Variants in IGFBP7 observed in about 807,000 individuals in gnomAD.
IGFBP7 encodes the protein insulin-like growth factor-binding protein 7.
In IGFBP7, 31 loss-of-function variants were observed where a neutral mutation model predicts 29.4. That is an observed-to-expected ratio of 1.05 (90% CI 0.79 to 1.42). The LOEUF (loss-of-function observed/expected upper bound fraction) is 1.42, where lower values mean the gene tolerates loss of function less well. Ranked by LOEUF, IGFBP7 falls within the 40% of genes most tolerant of loss-of-function variation. The pLI is 0.00. For synonymous variants in IGFBP7, 172 were observed against 174.9 expected, an observed-to-expected ratio of 0.98 and a Z score of 0.13; for missense variants, 393 against 395.5, an observed-to-expected ratio of 0.99 and a Z score of 0.05.
chr4:57,066,079 G>A (rs1166513377), intron 1 of IGFBP7, among the ~76,000 whole-genome samples: 1 of 152,160 alleles, frequency 6.6e-6, no homozygotes, highest in Non-Finnish European at 1.5e-5. Context: ...GGTGGCATGG[G>A]TCTTCCATCC....
At position 57,030,854 on chromosome 4, in the gene IGFBP7, A is replaced by T; in HGVS notation, c.*463T>A. 9.3e-7 allele frequency: 1 copy of T among 1,080,840 alleles called. No homozygotes were observed. The highest frequency in any genetic ancestry group is 1.4e-6 in the Non-Finnish European group (1 of 694,116). 67.0% of individuals were successfully genotyped at this position (1,080,840 alleles called of 1,614,324 possible). On this transcript the variant is annotated 3_prime_UTR_variant, in exon 5 of 5. Coordinates refer to ENST00000295666, the MANE Select transcript of IGFBP7 (RefSeq NM_001553.3). Reference sequence around the variant, plus strand: ...TTTTCTGGGGTAGAGAAGTGGGGTCACTTCAATACAATTCTGCTAATTACC... The same window carrying T: ...TTTTCTGGGGTAGAGAAGTGGGGTCTCTTCAATACAATTCTGCTAATTACC...
intron 1 of IGFBP7, among the ~76,000 whole-genome samples, chr4:57,106,748 T>G (rs6554417): frequency 6.6e-5 from 10 of 152,308 alleles, no homozygotes; most frequent in African/African-American, 2.4e-4. Context: ...TTAAAAGACT[T>G]TGAACAAAAG....
chr4:57,083,185 G>A (rs1320853865), intron 1 of IGFBP7, among the ~76,000 whole-genome samples: 1 of 152,124 alleles, frequency 6.6e-6, no homozygotes, highest in Non-Finnish European at 1.5e-5. Flanking sequence ...AGATTGCTGG[G>A]TCAAAGGGTA....
At chr4:57,053,380 G>A (rs991138510) in intron 1 of IGFBP7, among the ~76,000 whole-genome samples, 4 of 152,054 alleles carry the variant, frequency 2.6e-5, no homozygotes, top group African/African-American at 9.7e-5. Flanking sequence ...AAAAAAGTGG[G>A]GTACTGACAA....
chr4:57,075,299 G>A (rs1184967333), intron 1 of IGFBP7, among the ~76,000 whole-genome samples: 1 of 152,142 alleles, frequency 6.6e-6, no homozygotes. Context: ...GCCTTCAAAG[G>A]ACTCAGGAGA....
intron 2 of IGFBP7, among the ~76,000 whole-genome samples, 198 bp downstream of exon 2, chr4:57,040,626 T>C (rs1724198177): frequency 6.6e-6 from 1 of 152,228 alleles, no homozygotes; most frequent in Non-Finnish European, 1.5e-5. Context: ...GATTCTAGGA[T>C]GCTGCTAACA....
At chr4:57,090,119 T>C (rs948669762) in intron 1 of IGFBP7, among the ~76,000 whole-genome samples, 1 of 152,216 alleles carries the variant, frequency 6.6e-6, no homozygotes, top group Non-Finnish European at 1.5e-5. Flanking sequence ...TACTTGCAGC[T>C]GAACACATTC....
chr4:57,073,047 C>T, intron 1 of IGFBP7: 2 of 1,340,626 alleles, frequency 1.5e-6, no homozygotes, highest in Admixed American at 3.4e-5. Flanking sequence ...AACAGGCATG[C>T]TGCCAAGCTC....
chr4:57,057,011 T>C (rs73169930), intron 1 of IGFBP7, among the ~76,000 whole-genome samples: 2,871 of 152,258 alleles, frequency 0.019, 103 homozygotes, highest in African/African-American at 0.065. Context: ...AGTAGATTTT[T>C]TTTTCTTTTT....
intron 1 of IGFBP7, among the ~76,000 whole-genome samples, chr4:57,051,621 T>G (rs979067663): frequency 2.0e-5 from 3 of 152,102 alleles, no homozygotes; most frequent in African/African-American, 7.2e-5. Flanking sequence ...GCATTAAGAG[T>G]AAGAACAAAA....
intron 1 of IGFBP7, among the ~76,000 whole-genome samples, chr4:57,054,625 G>A (rs1260797881): frequency 7.4e-6 from 1 of 134,572 alleles, no homozygotes; most frequent in Non-Finnish European, 1.6e-5. Context: ...GCGACAGAGC[G>A]AGGCTCTCTC....
chr4:57,087,043 AGTT>A (rs201305256), intron 1 of IGFBP7, among the ~76,000 whole-genome samples: 2,250 of 152,232 alleles, frequency 0.015, 52 homozygotes, highest in African/African-American at 0.052. Context: ...CTAGTGGCTC[AGTT>A]ATTATGAGGA....
intron 1 of IGFBP7, among the ~76,000 whole-genome samples, chr4:57,089,697 C>A (rs1026075681): frequency 3.9e-5 from 6 of 152,208 alleles, no homozygotes; most frequent in Non-Finnish European, 8.8e-5. Context: ...CCGGCTGACT[C>A]AGCCCCAGTG....
intron 1 of IGFBP7, among the ~76,000 whole-genome samples, chr4:57,089,552 C>G (rs1725585136): frequency 6.6e-6 from 1 of 152,208 alleles, no homozygotes; most frequent in African/African-American, 2.4e-5. Context: ...TGATTTCACA[C>G]TTCAGTGAAG....
At chr4:57,071,319 T>C (rs17787988) in intron 1 of IGFBP7, among the ~76,000 whole-genome samples, 24,292 of 152,206 alleles carry the variant, frequency 0.16, 2,041 homozygotes, top group Admixed American at 0.17. Flanking sequence ...TACATACATC[T>C]CAGCAAGTCA....
At chr4:57,044,534 T>G (rs1724312126) in intron 1 of IGFBP7, among the ~76,000 whole-genome samples, 1 of 152,238 alleles carries the variant, frequency 6.6e-6, no homozygotes, top group Non-Finnish European at 1.5e-5. Flanking sequence ...TTGTGTGTGC[T>G]ATGAGGCAGA....
chr4:57,043,189 ACCGTC>A (rs1434319199), intron 1 of IGFBP7, among the ~76,000 whole-genome samples: 1 of 152,174 alleles, frequency 6.6e-6, no homozygotes, highest in East Asian at 1.9e-4. Context: ...AAGACTTGGG[ACCGTC>A]CGCAGAGGAG....
At chr4:57,088,895 G>C (rs1725565702) in intron 1 of IGFBP7, among the ~76,000 whole-genome samples, 1 of 152,014 alleles carries the variant, frequency 6.6e-6, no homozygotes, top group African/African-American at 2.4e-5. Flanking sequence ...AGCTGGGTGT[G>C]GTGTTGGGCA....
chr4:57,074,837 T>C (rs1181708365), intron 1 of IGFBP7, among the ~76,000 whole-genome samples: 1 of 152,244 alleles, frequency 6.6e-6, no homozygotes, highest in Admixed American at 6.5e-5. Context: ...TTTGGCATAA[T>C]CTGTGTTAAA....
Sources: allele counts gnomAD v4.1 joint callset (sites outside exome capture counted in the v4.1 genomes callset), GRCh38; gene constraint gnomAD v4.1.1; transcripts MANE v1.5; gene names NCBI Gene and HGNC (gene_info 2026-07-23, HGNC 2026-07-21).